Variants in KRT82 observed in about 807,000 individuals in gnomAD.
KRT82 encodes keratin, type II cuticular Hb2.
In KRT82, 44 loss-of-function variants were observed where a neutral mutation model predicts 48.0. The ratio of observed to expected loss-of-function variants is 0.92; its 90% CI spans 0.72 to 1.18. The LOEUF (loss-of-function observed/expected upper bound fraction) is 1.18, where lower values mean the gene tolerates loss of function less well. Among genes scored for constraint, KRT82 ranks in the 50% most tolerant of loss-of-function variants. The pLI is 0.00. For synonymous variants in KRT82, 297 were observed against 278.3 expected (o/e 1.07, Z -0.67); for missense variants, 701 against 671.4 (o/e 1.04, Z -0.49).
In KRT82 at chr12:52,395,014, C is replaced by T. The variant is rs1447204085; in HGVS notation, c.1503G>A (p.Thr501=). ...SCGSGRKSSM[T]LGAGGSSPSH... Reference sequence around the variant, plus strand: ...TGGGGGAGCTGCCCCCAGCTCCTAGCGTCATGCTGGATTTCCGCCCGCTCC... The same window carrying T: ...TGGGGGAGCTGCCCCCAGCTCCTAGTGTCATGCTGGATTTCCGCCCGCTCC... The change falls in exon 9 of 9, where the codon ACG becomes ACA. Residue 501 remains threonine, a synonymous_variant. Transcript: ENST00000257974. The T allele has an allele frequency of 5.6e-6, 9 of 1,613,696 alleles. No homozygotes were observed. Among genetic ancestry groups the T allele is most frequent in the Admixed American group, 3.3e-5 (2 of 60,010 alleles).
At chr12:52,400,225 G>T in intron 4 of KRT82, 76 bp from the exon 5 acceptor site, 1 of 1,422,506 alleles carries the variant, frequency 7.0e-7, no homozygotes, top group South Asian at 1.3e-5. Flanking sequence ...AACCCGTTCT[G>T]ACCTTCCCAG....
At chr12:52,401,739 G>C (rs903365035) in intron 2 of KRT82, among the ~76,000 whole-genome samples, 1 of 152,088 alleles carries the variant, frequency 6.6e-6, no homozygotes, top group Non-Finnish European at 1.5e-5. Context: ...GGCTGACCCT[G>C]TGCATCCTCC....
intron 5 of KRT82, among the ~76,000 whole-genome samples, chr12:52,399,599 C>T (rs749259151): frequency 1.1e-4 from 16 of 152,226 alleles, no homozygotes; most frequent in Non-Finnish European, 2.1e-4. Flanking sequence ...CACCCCATGC[C>T]ACTAGCCTCC....
In KRT82 at chr12:52,406,028, C is replaced by T. The variant is rs1939848987; in HGVS notation, c.250G>A (p.Ala84Thr). Reference protein sequence around the residue: ...TLPGFGYRLGATCGPSACITP... With the variant: ...TLPGFGYRLGTTCGPSACITP... Reference sequence around the variant, plus strand: ...ATGCAGGCAGAAGGCCCACAGGTGGCTCCCAGTCGGTACCCGAAGCCAGGC... The same window carrying T: ...ATGCAGGCAGAAGGCCCACAGGTGGTTCCCAGTCGGTACCCGAAGCCAGGC... Residue 84 changes from alanine (A) to threonine (T), a missense_variant, in exon 1 of 9, where the codon GCC (alanine) becomes ACC (threonine). Transcript: ENST00000257974. 1 of 1,614,204 alleles carries T rather than the reference C, an allele frequency of 6.2e-7. No homozygotes were observed. Among genetic ancestry groups the T allele is most frequent in the Non-Finnish European group, 8.5e-7 (1 of 1,180,032 alleles).
chr12:52,404,426 T>C (rs144645229), intron 1 of KRT82, among the ~76,000 whole-genome samples: 40 of 152,306 alleles, frequency 2.6e-4, no homozygotes, highest in Non-Finnish European at 4.7e-4. Context: ...TCACCTACTG[T>C]GCTGCATCCT....
At chr12:52,400,771 C>T (rs1232308265) in intron 3 of KRT82, 149 bp from the exon 4 acceptor site, 3 of 619,382 alleles carry the variant, frequency 4.8e-6, no homozygotes, top group Non-Finnish European at 5.7e-6. Flanking sequence ...AAAGGGGTCC[C>T]TAGCCCTGGG....
At chr12:52,399,894 A>G in intron 5 of KRT82, 91 bp downstream of exon 5, 1 of 1,336,936 alleles carries the variant, frequency 7.5e-7, no homozygotes, top group Non-Finnish European at 1.1e-6. Context: ...TTAGCTCCTC[A>G]CCCACTTCTG....
intron 5 of KRT82, 131 bp downstream of exon 5, chr12:52,399,854 C>T (rs896064530): frequency 7.6e-6 from 7 of 916,642 alleles, no homozygotes; most frequent in South Asian, 1.6e-5. Flanking sequence ...TTATGGGATT[C>T]CCTGTGTCTG....
Position 52,393,968 on chromosome 12 carries a change from T to G in KRT82, c.*1007A>C, listed in dbSNP as rs528190421. 1 of 152,264 alleles carries G rather than the reference T, an allele frequency of 6.6e-6. No individual in the cohort carries two copies. The highest frequency in any genetic ancestry group is 6.5e-5 in the Admixed American group (1 of 15,312). 9.4% of individuals were successfully genotyped at this position (152,264 alleles called of 1,614,324 possible). A position where few individuals can be genotyped will look rare whatever the true frequency, so the allele number is the denominator to read the frequency against. On this transcript the variant is annotated 3_prime_UTR_variant, in exon 9 of 9. Coordinates refer to ENST00000257974, the MANE Select transcript of KRT82 (RefSeq NM_033033.4). ...TAATCCATGAACAGAGTAGGTTTAT[T>G]TTGAACAGAAGCCCAGATGTTCAGG...
In KRT82 at chr12:52,395,125, G is replaced by C. The variant is rs776841826; in HGVS notation, c.1392C>G (p.Gly464=). 3 of 1,613,942 alleles carry C rather than the reference G, an allele frequency of 1.9e-6. No individual in the cohort carries two copies. The highest frequency in any genetic ancestry group is 2.5e-6 in the Non-Finnish European group (3 of 1,180,002). ...CGVSTPVLST[G]VLRSNGGCSI... ...TGCAGCCCCCATTGCTCCTGAGGAC[G>C]CCAGTGCTGAGGACAGGCGTGCTGA... Residue 464 remains glycine (G), a synonymous_variant, in exon 9 of 9, where the codon GGC becomes GGG. Coordinates refer to ENST00000257974, the MANE Select transcript of KRT82 (RefSeq NM_033033.4).
intron 5 of KRT82, 40 bp downstream of exon 5, chr12:52,399,945 C>T: frequency 6.3e-7 from 1 of 1,595,586 alleles, no homozygotes; most frequent in Non-Finnish European, 8.6e-7. Flanking sequence ...CCTGGTTTGT[C>T]ACCTCTCCAG....
In KRT82 at chr12:52,400,146, T is replaced by A; in HGVS notation, c.781A>T (p.Ile261Phe). 1 of 1,612,860 alleles carries A rather than the reference T, an allele frequency of 6.2e-7. No individual in the cohort carries two copies. Among genetic ancestry groups the A allele is most frequent in the South Asian group, 1.1e-5 (1 of 90,990 alleles). The change falls in exon 5 of 9, where the codon ATC (isoleucine) becomes TTC (phenylalanine). Residue 261 changes from isoleucine to phenylalanine, a missense_variant. Transcript: ENST00000257974. ...DFLKSLYEEE[I>F]CLLQSQISET... ...GAGATCTGAGACTGGAGCAGGCAGA[T>A]CTCCTGGGGGCAGGGCCCATGTGAG...
At position 52,400,525 on chromosome 12, in the gene KRT82, A is replaced by G. The variant is rs1386747249; in HGVS notation, c.777+2T>C. ...ACCACCCAAGGTCAGGGCTGTGGGT[A>G]CCTCCTCATACAGGCTTTTCAGGAA... On this transcript the variant is annotated splice_donor_variant, in intron 4 of 8. Transcript: ENST00000257974. LOFTEE classifies it high-confidence loss of function. The G allele has an allele frequency of 1.9e-6, 3 of 1,611,060 alleles. No individual in the cohort carries two copies. The highest frequency in any genetic ancestry group is 2.5e-6 in the Non-Finnish European group (3 of 1,177,518).
chr12:52,399,442 C>T (rs137980144), intron 5 of KRT82, among the ~76,000 whole-genome samples: 2 of 152,216 alleles, frequency 1.3e-5, no homozygotes, highest in African/African-American at 4.8e-5. Flanking sequence ...GCATGCATGG[C>T]GCCTTTCACA....
At position 52,400,633 on chromosome 12, in the gene KRT82, G is replaced by A. The variant is rs1939776914; in HGVS notation, c.682-11C>T. Reference sequence around the variant, plus strand: ...GGCTGTGTCCACGTCCTGCAGCAGAGCAGGGACAGAATGTGACCTGGCTGG... The same window carrying A: ...GGCTGTGTCCACGTCCTGCAGCAGAACAGGGACAGAATGTGACCTGGCTGG... On this transcript the variant is annotated splice_polypyrimidine_tract_variant and intron_variant, in intron 3 of 8. Transcript: ENST00000257974. 2 of 1,607,162 alleles carry A rather than the reference G, an allele frequency of 1.2e-6. No homozygotes were observed. Among genetic ancestry groups the A allele is most frequent in the Non-Finnish European group, 1.7e-6 (2 of 1,174,056 alleles).
intron 5 of KRT82, among the ~76,000 whole-genome samples, chr12:52,399,383 T>C (rs757307363): frequency 7.2e-5 from 11 of 152,228 alleles, no homozygotes; most frequent in Non-Finnish European, 1.2e-4. Context: ...GCTTGGCACG[T>C]GGTTGATGCT....
In KRT82 at chr12:52,396,011, C is replaced by T. The variant is rs141146368; in HGVS notation, c.1289+1G>A. On this transcript the variant is annotated splice_donor_variant, in intron 7 of 8. Coordinates refer to ENST00000257974, the MANE Select transcript of KRT82 (RefSeq NM_033033.4). LOFTEE classifies it high-confidence loss of function. ...TTTGACCCCCTCCTGGAGGAGCTCA[C>T]CTGTGCTCTTCACCCTCCAGCAGGC... The T allele has an allele frequency of 7.3e-5, 118 of 1,613,960 alleles. No individual in the cohort carries two copies. The highest frequency in any genetic ancestry group is 9.7e-5 in the Non-Finnish European group (115 of 1,180,024).
chr12:52,396,622 C>G (rs1341303498), intron 6 of KRT82, among the ~76,000 whole-genome samples: 3 of 152,176 alleles, frequency 2.0e-5, no homozygotes, highest in Admixed American at 2.0e-4. Flanking sequence ...TATACTTGCA[C>G]CTAGTGAAGC....
chr12:52,400,528 T>A lies in KRT82; in HGVS notation c.776A>T (p.Glu259Val). 6.2e-7 allele frequency: 1 copy of A among 1,612,784 alleles called. No homozygotes were observed. The highest frequency in any genetic ancestry group is 8.5e-7 in the Non-Finnish European group (1 of 1,178,728). ...EIDFLKSLYE[E>V]EICLLQSQIS... Reference sequence around the variant, plus strand: ...ACCCAAGGTCAGGGCTGTGGGTACCTCCTCATACAGGCTTTTCAGGAAGTC... The same window carrying A: ...ACCCAAGGTCAGGGCTGTGGGTACCACCTCATACAGGCTTTTCAGGAAGTC... Residue 259 changes from glutamate (E) to valine (V), a missense_variant and splice_region_variant, in exon 4 of 9, where the codon GAG becomes GTG. Glu to Val is a moderately radical substitution (Grantham distance 121, BLOSUM62 -2). Transcript: ENST00000257974.
Sources: allele counts gnomAD v4.1 joint callset (sites outside exome capture counted in the v4.1 genomes callset), GRCh38; gene constraint gnomAD v4.1.1; transcripts MANE v1.5; gene names NCBI Gene and HGNC (gene_info 2026-07-23, HGNC 2026-07-21).